BLOC1S3: variants seen among roughly 807,000 people sequenced by gnomAD.
The protein encoded by BLOC1S3 is biogenesis of lysosome-related organelles complex 1 subunit 3.
In BLOC1S3, 7 loss-of-function variants were observed where a neutral mutation model predicts 9.1. That is an observed-to-expected ratio of 0.77 (90% CI 0.44 to 1.45). BLOC1S3 has a LOEUF of 1.45. BLOC1S3 is among the 40% of genes most tolerant of loss of function. The probability of loss-of-function intolerance (pLI) is 0.01; values close to 1 mark genes in which losing one functional copy is unlikely to be tolerated. For synonymous variants in BLOC1S3, 145 were observed against 158.4 expected, an observed-to-expected ratio of 0.92 and a Z score of 0.64; for missense variants, 307 against 315.2, an observed-to-expected ratio of 0.97 and a Z score of 0.20.
intron 2 of BLOC1S3, among the ~76,000 whole-genome samples, chr19:45,195,585 C>G (rs1490897231): frequency 7.1e-6 from 1 of 141,666 alleles, no homozygotes. Flanking sequence ...CTCCCTCCCT[C>G]TCTCCCTTCC....
intron 3 of BLOC1S3, among the ~76,000 whole-genome samples, chr19:45,211,755 C>A (rs1007104661): frequency 2.0e-5 from 3 of 151,656 alleles, no homozygotes; most frequent in African/African-American, 7.3e-5. Context: ...CCAAACCCAG[C>A]CCCAGTGCTA....
At chr19:45,197,527 T>G (rs1227406720) in intron 2 of BLOC1S3, among the ~76,000 whole-genome samples, 1 of 147,776 alleles carries the variant, frequency 6.8e-6, no homozygotes, top group East Asian at 2.0e-4. Context: ...AGAAAAAGAA[T>G]AAAAAAGAAG....
chr19:45,199,525 A>G (rs536778480), intron 2 of BLOC1S3, among the ~76,000 whole-genome samples: 1 of 152,006 alleles, frequency 6.6e-6, no homozygotes, highest in African/African-American at 2.4e-5. Flanking sequence ...CATGTTGGCC[A>G]GGATGGTCTC....
chr19:45,205,798 AAAAC>A (rs1969722021), intron 3 of BLOC1S3, among the ~76,000 whole-genome samples: 1 of 152,234 alleles, frequency 6.6e-6, no homozygotes. Context: ...CAATAGCTAG[AAAAC>A]AAACAACCCA....
intron 2 of BLOC1S3, among the ~76,000 whole-genome samples, chr19:45,191,156 C>T (rs576234822): frequency 8.0e-4 from 114 of 142,254 alleles, no homozygotes; most frequent in African/African-American, 2.7e-3. Context: ...GAGTTTTGCT[C>T]TTGTTGCCCA....
chr19:45,195,249 C>G (rs1474039356), intron 2 of BLOC1S3, among the ~76,000 whole-genome samples: 2 of 152,072 alleles, frequency 1.3e-5, no homozygotes, highest in Non-Finnish European at 2.9e-5. Context: ...ACTCTGCCAC[C>G]TTCCTAAGGT....
At chr19:45,185,672 T>C (rs1297176935), downstream of BLOC1S3, among the ~76,000 whole-genome samples, 1 of 151,824 alleles carries the variant, frequency 6.6e-6, no homozygotes, top group Non-Finnish European at 1.5e-5. Flanking sequence ...GAGGGGCCTT[T>C]GGCAGGAGGG....
rs952913640 is a variant in BLOC1S3 at position 45,202,032 on chromosome 19, G to A, written n.181-374G>A. 5.9e-5 allele frequency among the ~76,000 whole-genome samples: 9 copies of A among 151,798 alleles called. No homozygotes were observed. In the East Asian group the frequency reaches 1.4e-3, roughly 23 times the overall value. On this transcript the variant is annotated intron_variant and non_coding_transcript_variant, in intron 2 of 3. Coordinates refer to the BLOC1S3 transcript ENST00000591569. ...AGGTCAGGAGATCGAGACCATCCTG[G>A]CTAACATGGTGAAACCCCGTCTCTA...
intron 2 of BLOC1S3, among the ~76,000 whole-genome samples, chr19:45,188,061 C>T (rs1969578662): frequency 6.6e-6 from 1 of 152,064 alleles, no homozygotes. Context: ...CTCACTCTGT[C>T]GCCCAGGCTG....
At chr19:45,210,046 A>AAAAACAAAACAAAAC (rs61681909) in intron 3 of BLOC1S3, among the ~76,000 whole-genome samples, 6,772 of 151,992 alleles carry the variant, frequency 0.045, 311 homozygotes, top group African/African-American at 0.12. Flanking sequence ...ACTCTGTCTC[A>AAAAACAAAACAAAAC]AAAACAAAAC....
chr19:45,207,797 T>A (rs1210961386), intron 3 of BLOC1S3, among the ~76,000 whole-genome samples: 1 of 152,122 alleles, frequency 6.6e-6, no homozygotes, highest in Non-Finnish European at 1.5e-5. Context: ...TGCACACGCA[T>A]ACACCTGCAT....
chr19:45,216,090 G>T, intron 3 of BLOC1S3: 1 of 1,613,836 alleles, frequency 6.2e-7, no homozygotes, highest in East Asian at 2.2e-5. Context: ...CTGGGTAGTC[G>T]CGCACCAACA....
In BLOC1S3 at chr19:45,191,191, C is replaced by T. The variant is rs182393526; in HGVS notation, n.180+3451C>T. ...AGGCTGGAGTGCAATGGCACGATCT[C>T]GGCTCACCACAACCTCCGCCTCCCT... On this transcript the variant is annotated intron_variant and non_coding_transcript_variant, in intron 2 of 3. Coordinates refer to the BLOC1S3 transcript ENST00000591569. Among the ~76,000 whole-genome samples, 802 of 151,990 alleles carry T rather than the reference C, an allele frequency of 5.3e-3. 7 individuals are homozygous for T. Among genetic ancestry groups the T allele is most frequent in the African/African-American group, 0.018 (759 of 41,452 alleles).
At chr19:45,196,469 A>G (rs1181841760) in intron 2 of BLOC1S3, among the ~76,000 whole-genome samples, 3 of 152,128 alleles carry the variant, frequency 2.0e-5, no homozygotes, top group South Asian at 2.1e-4. Flanking sequence ...GGTGGTCCTC[A>G]GTGTCCCACA....
At chr19:45,203,557 C>A (rs1479050809) in intron 3 of BLOC1S3, among the ~76,000 whole-genome samples, 1 of 152,186 alleles carries the variant, frequency 6.6e-6, no homozygotes, top group Non-Finnish European at 1.5e-5. Flanking sequence ...CAGGCATGAG[C>A]CACCGCGCCC....
chr19:45,207,017 A>G lies in BLOC1S3; in HGVS notation n.282+4510A>G, dbSNP rs377275156. On this transcript the variant is annotated intron_variant and non_coding_transcript_variant, in intron 3 of 3. Transcript: ENST00000591569. ...CCACCATGCCCAGCTAATTTGTTTT[A>G]ATAGAGATAGGGTTTCACCATGTTG... Among the ~76,000 whole-genome samples the G allele has an allele frequency of 4.0e-5, 6 of 151,210 alleles. No homozygotes were observed. In the East Asian group the frequency reaches 9.8e-4, roughly 25 times the overall value.
In BLOC1S3 at chr19:45,179,242, C is replaced by A; in HGVS notation, c.-9-46C>A. On this transcript the variant is annotated intron_variant, in intron 1 of 1. Transcript: ENST00000433642. The surrounding 1 kb of genome is among the most constrained non-coding windows in gnomAD (Gnocchi z 4.6). ...ATCCAGGACCTGCGCCTTTTACCCA[C>A]CGCGGCGCCGGTCTCACGTGCAGTC... 6.8e-7 allele frequency: 1 copy of A among 1,460,632 alleles called. No homozygotes were observed. The highest frequency in any genetic ancestry group is 2.5e-5 in the Admixed American group (1 of 39,532). 90.5% of individuals were successfully genotyped at this position (1,460,632 alleles called of 1,614,324 possible).
At chr19:45,197,824 C>CAAAAAAA (rs55654938) in intron 2 of BLOC1S3, among the ~76,000 whole-genome samples, 1 of 63,586 alleles carries the variant, frequency 1.6e-5, no homozygotes. Context: ...GACTCCGTCT[C>CAAAAAAA]AAAAAAAAAA....
chr19:45,208,491 C>T (rs118064265), intron 3 of BLOC1S3, among the ~76,000 whole-genome samples: 3,741 of 150,926 alleles, frequency 0.025, 68 homozygotes, highest in Non-Finnish European at 0.039. Flanking sequence ...TGGTGGCTCA[C>T]GCCTGTAATC....
Sources: allele counts gnomAD v4.1 joint callset (sites outside exome capture counted in the v4.1 genomes callset), GRCh38; gene constraint gnomAD v4.1.1; non-coding constraint Gnocchi (gnomAD v3.1); transcripts MANE v1.5; gene names NCBI Gene and HGNC (gene_info 2026-07-23, HGNC 2026-07-21).